Variants in TENM3 observed in about 807,000 individuals in gnomAD.
TENM3 encodes teneurin transmembrane protein 3.
TENM3 carries 63 observed loss-of-function variants against 255.1 expected under a neutral mutation model. That is an observed-to-expected ratio of 0.25 (90% CI 0.20 to 0.30). TENM3 has a LOEUF of 0.30. Among genes scored for constraint, TENM3 ranks in the 10% least tolerant of loss-of-function variants. TENM3 has a pLI of 1.00. For missense variants in TENM3, 2,929 were observed against 3,461.1 expected (o/e 0.85, Z 3.86); for synonymous variants, 1,306 against 1,322.3 (o/e 0.99, Z 0.27).
the TENM3 span, among the ~76,000 whole-genome samples, chr4:181,563,389 C>G: frequency 2.6e-5 from 4 of 152,108 alleles, no homozygotes; most frequent in African/African-American, 9.7e-5. Flanking sequence ...AAAGGGACAC[C>G]AGGCATTTTG....
At chr4:182,776,091 A>C (rs1764673979) in intron 24 of TENM3, among the ~76,000 whole-genome samples, 1 of 152,204 alleles carries the variant, frequency 6.6e-6, no homozygotes, top group Admixed American at 6.5e-5. Flanking sequence ...CAGTTGTTAC[A>C]AGAATCAAAT....
the TENM3 span, among the ~76,000 whole-genome samples, chr4:182,096,689 C>A: frequency 6.6e-6 from 1 of 152,100 alleles, no homozygotes; most frequent in Non-Finnish European, 1.5e-5. Flanking sequence ...ATATAAAGAC[C>A]GCCTTTAGTC....
the TENM3 span, among the ~76,000 whole-genome samples, chr4:181,814,446 G>A: frequency 6.6e-6 from 1 of 152,112 alleles, no homozygotes; most frequent in Non-Finnish European, 1.5e-5. Flanking sequence ...CCTCTTTCAA[G>A]ATTGGACAGA....
intron 3 of TENM3, among the ~76,000 whole-genome samples, chr4:182,557,803 C>T (rs796753258): frequency 6.6e-6 from 1 of 152,172 alleles, no homozygotes; most frequent in African/African-American, 2.4e-5. Context: ...GGTTCTGTCC[C>T]TCAGGTACCC....
chr4:182,466,336 C>T (rs1239902452), intron 3 of TENM3, among the ~76,000 whole-genome samples: 1 of 152,164 alleles, frequency 6.6e-6, no homozygotes, highest in Non-Finnish European at 1.5e-5. Context: ...CTTTTTCCAA[C>T]TTCTGGTTGC....
intron 1 of TENM3, among the ~76,000 whole-genome samples, chr4:182,300,355 A>G (rs1218954361): frequency 6.6e-6 from 1 of 152,230 alleles, no homozygotes; most frequent in South Asian, 2.1e-4. Flanking sequence ...TTGGTCTCTC[A>G]GGCCATACAG....
chr4:181,993,753 C>T, the TENM3 span, among the ~76,000 whole-genome samples: 1 of 152,070 alleles, frequency 6.6e-6, no homozygotes, highest in African/African-American at 2.4e-5. Context: ...TATCCCCTAC[C>T]TTATCTGTAC....
At chr4:181,464,718 A>G in the TENM3 span, among the ~76,000 whole-genome samples, 25 of 152,132 alleles carry the variant, frequency 1.6e-4, no homozygotes, top group Admixed American at 9.2e-4. Flanking sequence ...TGGGAGGCCA[A>G]GGCTGTTGGA....
At chr4:181,776,769 A>ATTTGT in the TENM3 span, among the ~76,000 whole-genome samples, 1 of 151,626 alleles carries the variant, frequency 6.6e-6, no homozygotes, top group African/African-American at 2.4e-5. Flanking sequence ...TAATGAGATT[A>ATTTGT]TTTGTTTTGT....
intron 5 of TENM3, among the ~76,000 whole-genome samples, chr4:182,652,394 C>T (rs1753390239): frequency 6.6e-6 from 1 of 152,092 alleles, no homozygotes; most frequent in African/African-American, 2.4e-5. Context: ...AACCTGGAGT[C>T]CAGACTAAAT....
chr4:182,598,073 G>C (rs1001247141), intron 3 of TENM3, among the ~76,000 whole-genome samples: 2 of 152,190 alleles, frequency 1.3e-5, no homozygotes, highest in Non-Finnish European at 2.9e-5. Context: ...CAGCTACTCA[G>C]GAGGCTGAGG....
chr4:181,447,639 A>T, the TENM3 span, among the ~76,000 whole-genome samples: 1 of 152,076 alleles, frequency 6.6e-6, no homozygotes, highest in Non-Finnish European at 1.5e-5. Flanking sequence ...TCGGAAGAGC[A>T]CCCTAAGGCT....
At chr4:181,947,787 A>G in the TENM3 span, among the ~76,000 whole-genome samples, 2 of 152,170 alleles carry the variant, frequency 1.3e-5, no homozygotes, top group African/African-American at 4.8e-5. Context: ...TTAGTGCAGT[A>G]TCAGTGGCAA....
the TENM3 span, among the ~76,000 whole-genome samples, chr4:181,485,013 AT>A: frequency 6.6e-6 from 1 of 152,166 alleles, no homozygotes; most frequent in African/African-American, 2.4e-5. Context: ...AGGAAGAAAA[AT>A]AAAAGATTAC....
the TENM3 span, among the ~76,000 whole-genome samples, chr4:182,052,078 G>C: frequency 3.3e-5 from 5 of 152,074 alleles, no homozygotes; most frequent in Non-Finnish European, 7.3e-5. Flanking sequence ...ACAGTGCATA[G>C]AGAAGTCCCC....
the TENM3 span, among the ~76,000 whole-genome samples, chr4:181,606,590 T>C: frequency 3.3e-5 from 5 of 152,256 alleles, no homozygotes; most frequent in Non-Finnish European, 4.4e-5. Flanking sequence ...TGCTCATGAA[T>C]GGATCCATGG....
the TENM3 span, among the ~76,000 whole-genome samples, chr4:181,672,820 AT>A: frequency 1.3e-5 from 2 of 152,138 alleles, no homozygotes; most frequent in Non-Finnish European, 2.9e-5. Context: ...TGTGATCTTC[AT>A]TTCGCAGAAG....
intron 1 of TENM3, chr4:182,190,433 ATTTCT>A (rs1250768203): frequency 3.9e-5 from 6 of 152,178 alleles, no homozygotes; most frequent in Admixed American, 3.9e-4. Flanking sequence ...TACAAGTACA[ATTTCT>A]GGCTCCTCAT....
Position 182,596,935 on chromosome 4 carries a change from A to G in TENM3, c.512-3989A>G, listed in dbSNP as rs576828764. 9.8e-5 allele frequency among the ~76,000 whole-genome samples: 15 copies of G among 152,328 alleles called. No individual in the cohort carries two copies. In the East Asian group the frequency reaches 2.9e-3, roughly 29 times the overall value. On this transcript the variant is annotated intron_variant, in intron 3 of 27. Transcript: ENST00000511685. ...AATCTGTGTATCAGTGAATTTGTCT[A>G]AAGTGAAAGGCTGCAGTGGCTGTTC...
Sources: gnomAD v4.1 joint callset for allele counts (sites outside exome capture counted in the v4.1 genomes callset) on GRCh38, gnomAD v4.1.1 for gene constraint, MANE v1.5 for transcripts, NCBI Gene and HGNC (gene_info 2026-07-23, HGNC 2026-07-21) for gene names.